Variants in NOTCH1 observed in about 807,000 individuals in gnomAD.
NOTCH1 encodes the protein notch receptor 1, also known as neurogenic locus notch homolog protein 1.
A neutral mutation model predicts 254.8 loss-of-function variants in NOTCH1; 37 were observed. That is an observed-to-expected ratio of 0.15 (90% CI 0.11 to 0.19). The LOEUF (loss-of-function observed/expected upper bound fraction) is 0.19. Ranked by LOEUF, NOTCH1 falls within the 10% of genes least tolerant of loss-of-function variation. The pLI is 1.00. For synonymous variants in NOTCH1, 1,731 were observed against 1,618.1 expected, an observed-to-expected ratio of 1.07 and a Z score of -1.68; for missense variants, 2,972 against 3,708.6, an observed-to-expected ratio of 0.80 and a Z score of 5.16.
intron 18 of NOTCH1, among the ~76,000 whole-genome samples, chr9:136,509,404 C>T (rs529475584): frequency 2.0e-5 from 3 of 152,286 alleles, no homozygotes; most frequent in South Asian, 4.1e-4. Flanking sequence ...AAACCAGGGA[C>T]GAGACTGACG....
rs752071569 is a variant in NOTCH1 at position 136,517,317 on chromosome 9, G to T, written c.1510C>A (p.Arg504Ser). ...AACTCATTGATCTTGTCCAGGCAGC[G>T]GCCATTGTGCAGGCAGGGGCTGCTG... is the stretch of plus-strand genomic sequence containing the variant. ...CASSPCLHNG[R>S]CLDKINEFQC... is the part of the protein sequence containing the mutation. The change falls in exon 9 of 34, where the codon CGC becomes AGC. Residue 504 changes from arginine (R) to serine (S), a missense_variant. By Grantham distance (110) the Arg-to-Ser change is moderately radical. Coordinates refer to ENST00000651671, the MANE Select transcript of NOTCH1 (RefSeq NM_017617.5). The T allele has an allele frequency of 6.2e-7, 1 of 1,609,928 alleles. No homozygotes were observed. Among genetic ancestry groups the T allele is most frequent in the Non-Finnish European group, 8.5e-7 (1 of 1,178,634 alleles).
intron 25 of NOTCH1, 42 bp from the exon 26 acceptor site, chr9:136,505,146 G>A (rs761974132): frequency 7.0e-6 from 11 of 1,576,120 alleles, no homozygotes; most frequent in African/African-American, 1.3e-5. Flanking sequence ...TCCTCGGGGG[G>A]CCTCGCACCC....
intron 15 of NOTCH1, among the ~76,000 whole-genome samples, chr9:136,511,787 ACAGGCC>A (rs923918007): frequency 8.5e-5 from 13 of 152,328 alleles, no homozygotes; most frequent in African/African-American, 3.1e-4. Context: ...GATGGAGGGG[ACAGGCC>A]CAGGCCCCCA....
intron 2 of NOTCH1, 166 bp downstream of exon 2, chr9:136,543,857 AT>A: frequency 4.1e-6 from 3 of 731,678 alleles, no homozygotes; most frequent in Non-Finnish European, 7.3e-6. Flanking sequence ...ATTGCTGGTG[AT>A]TAAGTAATTG....
chr9:136,515,934 C>T, intron 10 of NOTCH1, 47 bp downstream of exon 10: 1 of 1,480,044 alleles, frequency 6.8e-7, no homozygotes, highest in Non-Finnish European at 9.3e-7. Flanking sequence ...CCCTGAGTGC[C>T]CTGTCCCGTC....
At position 136,496,055 on chromosome 9, in the gene NOTCH1, T is replaced by TCG. The variant is rs775842345; in HGVS notation, c.*14_*15dup. On this transcript the variant is annotated 3_prime_UTR_variant, in exon 34 of 34. Transcript: ENST00000651671. ...AGGCTTGGGAAAGGAAGCCGGGGTCTCGTGGGGCGCGCCGTTTACTTGAAG... is the reference window on the plus strand; with the variant it reads ...AGGCTTGGGAAAGGAAGCCGGGGTCTCGCGTGGGGCGCGCCGTTTACTTGAAG... The TCG allele has an allele frequency of 1.9e-5, 31 of 1,591,494 alleles. No individual in the cohort carries two copies. Among genetic ancestry groups the TCG allele is most frequent in the Non-Finnish European group, 2.4e-5 (28 of 1,176,256 alleles).
At chr9:136,535,855 TC>T (rs1341367558) in intron 2 of NOTCH1, among the ~76,000 whole-genome samples, 3 of 102,326 alleles carry the variant, frequency 2.9e-5, no homozygotes, top group East Asian at 3.1e-4. Context: ...TCAGGATCCC[TC>T]CCAGGGGCAA....
intron 2 of NOTCH1, among the ~76,000 whole-genome samples, chr9:136,528,027 G>A (rs937492998): frequency 1.3e-5 from 2 of 152,118 alleles, no homozygotes; most frequent in African/African-American, 4.8e-5. Context: ...CACCCAGGAC[G>A]AATTCTAAAT....
At chr9:136,510,491 C>G in intron 17 of NOTCH1, 162 bp downstream of exon 17, 1 of 948,102 alleles carries the variant, frequency 1.1e-6, no homozygotes, top group South Asian at 1.5e-5. Flanking sequence ...CTGAACCACC[C>G]TGGCCATCCC....
chr9:136,537,632 C>A (rs1843675120), intron 2 of NOTCH1, among the ~76,000 whole-genome samples: 1 of 152,102 alleles, frequency 6.6e-6, no homozygotes, highest in African/African-American at 2.4e-5. Flanking sequence ...CCCGCTTCTG[C>A]AAAAAAATTT....
chr9:136,512,434 G>C (rs1429889082), intron 15 of NOTCH1, among the ~76,000 whole-genome samples: 3 of 152,218 alleles, frequency 2.0e-5, no homozygotes, highest in Admixed American at 6.5e-5. Context: ...TTCTAGAGGA[G>C]ATCATTTCCT....
At chr9:136,508,512 C>A in intron 19 of NOTCH1, 127 bp from the exon 20 acceptor site, 1 of 1,353,260 alleles carries the variant, frequency 7.4e-7, no homozygotes, top group South Asian at 1.2e-5. Context: ...GTGGAAACTG[C>A]CGCCCCTGGA....
At chr9:136,517,687 G>C (rs1008347352) in intron 8 of NOTCH1, 65 bp downstream of exon 8, 3 of 1,581,900 alleles carry the variant, frequency 1.9e-6, no homozygotes, top group Non-Finnish European at 2.6e-6. Flanking sequence ...AGATGTTCCC[G>C]GGGCTGCCCC....
intron 2 of NOTCH1, among the ~76,000 whole-genome samples, chr9:136,535,165 C>G (rs560250693): frequency 6.6e-6 from 1 of 151,710 alleles, no homozygotes; most frequent in African/African-American, 2.4e-5. Flanking sequence ...GGTGTCTGGG[C>G]TGCAGCTGAG....
intron 2 of NOTCH1, among the ~76,000 whole-genome samples, chr9:136,526,628 C>G (rs1264965859): frequency 6.6e-6 from 1 of 152,230 alleles, no homozygotes; most frequent in African/African-American, 2.4e-5. Flanking sequence ...GGTCACAGGA[C>G]ATTGGCTGTC....
At chr9:136,512,828 C>T (rs891362842) in intron 15 of NOTCH1, among the ~76,000 whole-genome samples, 193 bp downstream of exon 15, 2 of 152,146 alleles carry the variant, frequency 1.3e-5, no homozygotes, top group Non-Finnish European at 2.9e-5. Flanking sequence ...CTAAGGCACT[C>T]AGTGAGGCGC....
At chr9:136,516,704 C>G (rs1473191231) in intron 9 of NOTCH1, among the ~76,000 whole-genome samples, 1 of 152,180 alleles carries the variant, frequency 6.6e-6, no homozygotes, top group African/African-American at 2.4e-5. Flanking sequence ...GGCACTGCAG[C>G]TCCTGGTATA....
rs763183789 is a variant in NOTCH1 at position 136,496,870 on chromosome 9, C to T, written c.6869G>A (p.Ser2290Asn). 1 of 1,612,922 alleles carries T rather than the reference C, an allele frequency of 6.2e-7. No individual in the cohort carries two copies. The highest frequency in any genetic ancestry group is 8.5e-7 in the Non-Finnish European group (1 of 1,180,000). The change falls in exon 34 of 34, where the codon AGC (serine) becomes AAC (asparagine). Residue 2290 changes from serine (S) to asparagine (N), a missense_variant. By Grantham distance (46) the Ser-to-Asn change is conservative. Around this residue, in one of 8 missense-constraint regions of NOTCH1, gnomAD observed 529 missense variants for 529.2 expected, o/e 1.00. Transcript: ENST00000651671. ...CACAGTGAAATTCAGGGCCCCTCCG[C>T]TGCTGGAGCCCAGGACGGTGCTGGT... The part of the protein sequence containing the change: ...SGTSTVLGSS[S>N]GGALNFTVGG...
rs1357565505 is a variant in NOTCH1, at chr9:136,506,984, A to G, written c.3644-11T>C. 1.9e-6 allele frequency: 3 copies of G among 1,579,568 alleles called. No homozygotes were observed. In the South Asian group the frequency reaches 3.5e-5, roughly 18 times the overall value. On this transcript the variant is annotated splice_polypyrimidine_tract_variant and intron_variant, in intron 22 of 33. Transcript: ENST00000651671. The surrounding 1 kb of genome is among the most constrained non-coding windows in gnomAD (Gnocchi z 4.5). Reference sequence around the variant, plus strand: ...TCTCACAGTGCACACCTGCGGGGCCAGGTTTCGTCAGTGGCCCAAGCCCGC... The same window carrying G: ...TCTCACAGTGCACACCTGCGGGGCCGGGTTTCGTCAGTGGCCCAAGCCCGC...
Sources: gnomAD v4.1 joint callset for allele counts (sites outside exome capture counted in the v4.1 genomes callset) on GRCh38, gnomAD v4.1.1 for gene constraint, gnomAD v4.1.1 regional missense constraint, Gnocchi (gnomAD v3.1) non-coding constraint, MANE v1.5 for transcripts, NCBI Gene and HGNC (gene_info 2026-07-23, HGNC 2026-07-21) for gene names.